EHMT1: variants seen among roughly 807,000 people sequenced by gnomAD.
The protein encoded by EHMT1 is histone-lysine N-methyltransferase EHMT1.
EHMT1 carries 15 observed loss-of-function variants against 147.2 expected under a neutral mutation model. The observed-to-expected ratio is 0.10, with a 90% CI of 0.07 to 0.16. The LOEUF (loss-of-function observed/expected upper bound fraction) is 0.16, where lower values mean the gene tolerates loss of function less well. Among genes scored for constraint, EHMT1 ranks in the 10% least tolerant of loss-of-function variants. The pLI, the probability that EHMT1 is intolerant of heterozygous loss-of-function variation, is 1.00. For synonymous variants in EHMT1, 795 were observed against 709.6 expected, an observed-to-expected ratio of 1.12 and a Z score of -1.91; for missense variants, 1,587 against 1,772.4, an observed-to-expected ratio of 0.90 and a Z score of 1.88.
At chr9:137,689,039 C>T (rs1942705621) in intron 1 of EHMT1, among the ~76,000 whole-genome samples, 1 of 152,180 alleles carries the variant, frequency 6.6e-6, no homozygotes, top group South Asian at 2.1e-4. Context: ...ACCGCTTGTT[C>T]TGCATCCCCC....
intron 1 of EHMT1, among the ~76,000 whole-genome samples, chr9:137,705,070 C>T (rs1233144293): frequency 6.6e-6 from 1 of 151,696 alleles, no homozygotes; most frequent in Admixed American, 6.6e-5. Context: ...TCAAGGAAAC[C>T]TTGAACCAGC....
rs150919033 is a variant in EHMT1, at chr9:137,777,153, C to T, written c.2018+309C>T. 99 of 373,604 alleles carry T rather than the reference C, an allele frequency of 2.6e-4. 1 individual carries two copies. Among genetic ancestry groups the T allele is most frequent in the African/African-American group, 1.3e-3 (64 of 48,002 alleles). 23.1% of individuals were successfully genotyped at this position (373,604 alleles called of 1,614,324 possible). A position where few individuals can be genotyped will look rare whatever the true frequency, so the allele number is the denominator to read the frequency against. ...GTCCTGTTGGTACACAAGCGATAGA[C>T]GAGTGGTGGCTGCTGCAGTCTGTGA... is the stretch of plus-strand genomic sequence containing the variant. On this transcript the variant is annotated intron_variant, in intron 12 of 26. Coordinates refer to ENST00000460843, the MANE Select transcript of EHMT1 (RefSeq NM_024757.5).
At chr9:137,827,678 A>G (rs1401071553) in intron 25 of EHMT1, among the ~76,000 whole-genome samples, 1 of 151,696 alleles carries the variant, frequency 6.6e-6, no homozygotes, top group East Asian at 1.9e-4. Flanking sequence ...GCCCCCCTCC[A>G]CTGCTGTCAC....
intron 1 of EHMT1, among the ~76,000 whole-genome samples, chr9:137,668,733 C>CT (rs34070687): frequency 0.014 from 2,008 of 148,400 alleles, 15 homozygotes; most frequent in Middle Eastern, 0.036. Context: ...TTAGTGTTTT[C>CT]TTTTTTTTTT....
At chr9:137,820,678 T>C (rs1174296424) in intron 25 of EHMT1, among the ~76,000 whole-genome samples, 1 of 152,250 alleles carries the variant, frequency 6.6e-6, no homozygotes, top group East Asian at 1.9e-4. Context: ...GGTTTATTTT[T>C]TTCCCATCTT....
chr9:137,705,755 G>T (rs1334640277), intron 1 of EHMT1, among the ~76,000 whole-genome samples: 1 of 152,216 alleles, frequency 6.6e-6, no homozygotes, highest in Non-Finnish European at 1.5e-5. Flanking sequence ...AGTAGGCACT[G>T]CACTCAGTCT....
intron 4 of EHMT1, among the ~76,000 whole-genome samples, chr9:137,741,541 A>G (rs1026715448): frequency 1.4e-4 from 22 of 152,228 alleles, no homozygotes; most frequent in African/African-American, 4.6e-4. Flanking sequence ...AACAGGTGCC[A>G]TGTCCGATTT....
rs770556348 is a variant in EHMT1 at position 137,716,664 on chromosome 9, C to G, written c.124C>G (p.Gln42Glu). 4 of 1,593,810 alleles carry G rather than the reference C, an allele frequency of 2.5e-6. No individual in the cohort carries two copies. The East Asian group carries it at 6.7e-5, about 27-fold the overall frequency. ...MAADEGSAEKQAGEAHMAADG... is the reference protein window; with the variant it reads ...MAADEGSAEKEAGEAHMAADG... Reference sequence around the variant, plus strand: ...TGCCGATGAAGGCTCAGCAGAGAAACAGGCAGGAGAGGCCCACATGGCTGC... The same window carrying G: ...TGCCGATGAAGGCTCAGCAGAGAAAGAGGCAGGAGAGGCCCACATGGCTGC... Residue 42 changes from glutamine (Q) to glutamate (E), a missense_variant, in exon 3 of 27, where the codon CAG (glutamine) becomes GAG (glutamate). Gln to Glu is a conservative substitution (Grantham distance 29). Around this residue, in one of 7 missense-constraint regions of EHMT1, gnomAD observed 810 missense variants for 673.0 expected, o/e 1.20. Coordinates refer to ENST00000460843, the MANE Select transcript of EHMT1 (RefSeq NM_024757.5).
chr9:137,754,812 C>T (rs575704314), intron 8 of EHMT1, among the ~76,000 whole-genome samples: 49 of 152,280 alleles, frequency 3.2e-4, no homozygotes, highest in African/African-American at 9.4e-4. Context: ...CCACTGCGCC[C>T]GGCCCCAACT....
chr9:137,728,594 G>T (rs751738822), intron 4 of EHMT1, 65 bp downstream of exon 4: 15 of 1,607,334 alleles, frequency 9.3e-6, no homozygotes, highest in Non-Finnish European at 1.3e-5. Flanking sequence ...CCCTTGCCAG[G>T]TGAGAGTTCT....
Position 137,776,777 on chromosome 9 carries a change from G to A in EHMT1, c.1951G>A (p.Val651Met), listed in dbSNP as rs188452845. 2.7e-5 allele frequency: 44 copies of A among 1,614,030 alleles called. No homozygotes were observed. The highest frequency in any genetic ancestry group is 1.6e-4 in the Middle Eastern group (1 of 6,062). Residue 651 changes from valine to methionine, a missense_variant, in exon 12 of 27, where the codon GTG (valine) becomes ATG (methionine). Physicochemically the swap from Val to Met is conservative, Grantham distance 21. Coordinates refer to ENST00000460843, the MANE Select transcript of EHMT1 (RefSeq NM_024757.5). The surrounding 1 kb of genome is among the most constrained non-coding windows in gnomAD (Gnocchi z 4.4). ...TIAKADTTST[V>M]TPVPGQEKGS... is the part of the protein sequence containing the mutation. ...AGCTAAAGCAGACACCACCTCGACC[G>A]TGACACCAGTCCCCGGGCAGGAGAA...
intron 15 of EHMT1, among the ~76,000 whole-genome samples, chr9:137,783,731 A>G (rs1054744179): frequency 6.6e-6 from 1 of 152,138 alleles, no homozygotes; most frequent in Non-Finnish European, 1.5e-5. Context: ...TCTTAGGGCC[A>G]AGAAGGAGAG....
chr9:137,633,640 C>CCATTACCACTACTTCCAGATCATTCCGT (rs1237303766), intron 1 of EHMT1, among the ~76,000 whole-genome samples: 34 of 152,082 alleles, frequency 2.2e-4, no homozygotes, highest in Non-Finnish European at 4.0e-4. Context: ...AGTGGTCCAA[C>CCATTACCACTACTTCCAGATCATTCCGT]CATTACCACT....
intron 1 of EHMT1, among the ~76,000 whole-genome samples, 173 bp downstream of exon 1, chr9:137,619,222 A>C: frequency 7.4e-6 from 1 of 134,956 alleles, no homozygotes; most frequent in African/African-American, 2.7e-5. Flanking sequence ...GGCCGGGCCG[A>C]GGCCGCCGGG....
chr9:137,681,985 C>A (rs1462941891), intron 1 of EHMT1, among the ~76,000 whole-genome samples: 1 of 152,110 alleles, frequency 6.6e-6, no homozygotes, highest in African/African-American at 2.4e-5. Flanking sequence ...CAGTCTCGCT[C>A]TGTCGCCCAG....
At chr9:137,792,460 G>T (rs540317592) in intron 16 of EHMT1, among the ~76,000 whole-genome samples, 8 of 152,178 alleles carry the variant, frequency 5.3e-5, no homozygotes, top group East Asian at 1.9e-4. Context: ...ATCCCAGCAC[G>T]TTGGGAGGCT....
chr9:137,773,473 G>C (rs1950725604), intron 10 of EHMT1, among the ~76,000 whole-genome samples: 1 of 150,806 alleles, frequency 6.6e-6, no homozygotes, highest in Non-Finnish European at 1.5e-5. Context: ...GAAGTCTCTT[G>C]CTGGCTTCAG....
intron 1 of EHMT1, among the ~76,000 whole-genome samples, chr9:137,626,050 AGAGTT>A (rs1564516079): frequency 2.1e-5 from 3 of 142,462 alleles, no homozygotes; most frequent in African/African-American, 7.8e-5. Context: ...TTTTTTTAGT[AGAGTT>A]GGGGTTTCTG....
intron 18 of EHMT1, among the ~76,000 whole-genome samples, chr9:137,808,676 T>TG (rs147011444): frequency 1.7e-3 from 99 of 58,516 alleles, no homozygotes; most frequent in South Asian, 0.015. Flanking sequence ...GGGCGGGGGG[T>TG]GGGGGGGGCG....
Sources: allele counts gnomAD v4.1 joint callset (sites outside exome capture counted in the v4.1 genomes callset), GRCh38; gene constraint gnomAD v4.1.1; regional missense constraint gnomAD v4.1.1; non-coding constraint Gnocchi (gnomAD v3.1); transcripts MANE v1.5; gene names NCBI Gene and HGNC (gene_info 2026-07-23, HGNC 2026-07-21).